The following ZNF532 variants were observed in gnomAD, a reference collection of about 807,000 sequenced individuals.
ZNF532 encodes the protein zinc finger protein 532.
Under a neutral mutation model 89.3 loss-of-function variants are expected in ZNF532, and 22 were observed. The observed-to-expected ratio is 0.25, with a 90% confidence interval of 0.18 to 0.35. The LOEUF (loss-of-function observed/expected upper bound fraction) is 0.35. Ranked by LOEUF, ZNF532 falls within the 10% of genes least tolerant of loss-of-function variation. The pLI is 1.00. For synonymous variants in ZNF532, 606 were observed against 649.6 expected (o/e 0.93, Z 1.02); for missense variants, 1,132 against 1,643.4 (o/e 0.69, Z 5.38).
chr18:58,877,605 G>A (rs748098776), intron 2 of ZNF532, among the ~76,000 whole-genome samples: 35 of 152,238 alleles, frequency 2.3e-4, no homozygotes, highest in Admixed American at 9.8e-4. Context: ...GGCACTGAGA[G>A]TTCTGTGTTA....
chr18:58,949,669 C>T (rs2063978293), intron 6 of ZNF532, among the ~76,000 whole-genome samples: 1 of 152,202 alleles, frequency 6.6e-6, no homozygotes, highest in Non-Finnish European at 1.5e-5. Flanking sequence ...GAGCAAGACT[C>T]CGTCTCAGAA....
intron 7 of ZNF532, among the ~76,000 whole-genome samples, chr18:58,959,253 G>GTTTTTTTTTTTTT (rs201150500): frequency 3.3e-5 from 4 of 121,678 alleles, no homozygotes; most frequent in South Asian, 5.8e-4. Context: ...TCAGTTTTTT[G>GTTTTTTTTTTTTT]TTTTTTGTTT....
intron 7 of ZNF532, among the ~76,000 whole-genome samples, chr18:58,966,703 CA>C (rs1165399796): frequency 2.0e-5 from 3 of 149,470 alleles, no homozygotes; most frequent in Non-Finnish European, 3.0e-5. Context: ...TATTAGTCCA[CA>C]TCTTGTGTAT....
At chr18:58,888,891 T>TATAATATATA (rs1272147896) in intron 2 of ZNF532, among the ~76,000 whole-genome samples, 1 of 37,266 alleles carries the variant, frequency 2.7e-5, no homozygotes, top group African/African-American at 1.3e-4. Flanking sequence ...TATATATATT[T>TATAATATATA]TATATATATA....
chr18:58,888,792 ATATAATT>A (rs1216081984), intron 2 of ZNF532, among the ~76,000 whole-genome samples: 5 of 53,872 alleles, frequency 9.3e-5, no homozygotes, highest in African/African-American at 3.5e-4. Flanking sequence ...TATAAAATAT[ATATAATT>A]TATATATATA....
chr18:58,971,931 T>C (rs1485234403), intron 7 of ZNF532, among the ~76,000 whole-genome samples: 1 of 152,228 alleles, frequency 6.6e-6, no homozygotes, highest in African/African-American at 2.4e-5. Context: ...TAGCTGGGCA[T>C]GGTGGCTCAC....
At chr18:58,964,375 C>T (rs2065688148) in intron 7 of ZNF532, 1 of 152,140 alleles carries the variant, frequency 6.6e-6, no homozygotes, top group Admixed American at 6.6e-5. Context: ...CTCTGGTTGA[C>T]TGTTAGAGAG....
intron 7 of ZNF532, among the ~76,000 whole-genome samples, chr18:58,972,470 C>A (rs1260745320): frequency 6.6e-6 from 1 of 152,056 alleles, no homozygotes; most frequent in African/African-American, 2.4e-5. Flanking sequence ...AAATGAAGGC[C>A]ACAGTTATTT....
Position 58,870,076 on chromosome 18 carries a change from T to G in ZNF532, c.-18+4497T>G, listed in dbSNP as rs78811168. Among the ~76,000 whole-genome samples the G allele has an allele frequency of 4.1e-5, 6 of 145,254 alleles. No individual in the cohort carries two copies. In the East Asian group the frequency reaches 7.7e-4, roughly 19 times the overall value. Reference sequence around the variant, plus strand: ...CCACTGTGCCCAGCCCAGGTTGTTTTTTTTTTTTTTTTTTTTTTAAGGATA... The same window carrying G: ...CCACTGTGCCCAGCCCAGGTTGTTTGTTTTTTTTTTTTTTTTTTAAGGATA... On this transcript the variant is annotated intron_variant, in intron 2 of 9. Coordinates refer to ENST00000591808, the MANE Select transcript of ZNF532 (RefSeq NM_001375912.1).
intron 5 of ZNF532, among the ~76,000 whole-genome samples, chr18:58,942,656 C>A (rs1009212517): frequency 6.6e-6 from 1 of 151,936 alleles, no homozygotes; most frequent in Admixed American, 6.6e-5. Context: ...CCCTCCCTCA[C>A]CCCCTTTTCC....
At chr18:58,938,954 A>G (rs373916780) in intron 4 of ZNF532, among the ~76,000 whole-genome samples, 13 of 152,150 alleles carry the variant, frequency 8.5e-5, no homozygotes, top group African/African-American at 3.1e-4. Context: ...TCTCTTAAAC[A>G]TATAAAAATA....
At chr18:58,887,694 C>T (rs550494391) in intron 2 of ZNF532, among the ~76,000 whole-genome samples, 8 of 152,236 alleles carry the variant, frequency 5.3e-5, no homozygotes, top group East Asian at 3.9e-4. Flanking sequence ...AGAACCCCCA[C>T]GCTCACAGGA....
intron 5 of ZNF532, among the ~76,000 whole-genome samples, chr18:58,944,161 G>A (rs1472914622): frequency 6.6e-6 from 1 of 152,168 alleles, no homozygotes; most frequent in Non-Finnish European, 1.5e-5. Context: ...TTTGCCCCTA[G>A]TTGGATTCAG....
At chr18:58,950,130 GA>G (rs1367575347) in intron 6 of ZNF532, among the ~76,000 whole-genome samples, 2 of 152,136 alleles carry the variant, frequency 1.3e-5, no homozygotes, top group Non-Finnish European at 2.9e-5. Flanking sequence ...ACAAAGAAAA[GA>G]ACAGTTGCTT....
intron 2 of ZNF532, among the ~76,000 whole-genome samples, chr18:58,903,470 C>T (rs2059727890): frequency 6.7e-6 from 1 of 150,200 alleles, no homozygotes; most frequent in Non-Finnish European, 1.5e-5. Flanking sequence ...TCTGGAAATT[C>T]TGAACAAGAG....
intron 4 of ZNF532, among the ~76,000 whole-genome samples, chr18:58,938,859 G>A (rs2062700573): frequency 2.6e-5 from 4 of 152,186 alleles, no homozygotes; most frequent in Non-Finnish European, 5.9e-5. Context: ...ACAGTGGTCT[G>A]GAGATTTGAC....
chr18:58,982,838 G>C (rs1028673688), intron 9 of ZNF532, among the ~76,000 whole-genome samples: 4 of 152,178 alleles, frequency 2.6e-5, no homozygotes, highest in African/African-American at 9.7e-5. Flanking sequence ...GTGAAGCCAA[G>C]GCGTGGTGGC....
chr18:58,903,921 GATTTAAGAA>G (rs2059758047), intron 2 of ZNF532, among the ~76,000 whole-genome samples: 1 of 152,198 alleles, frequency 6.6e-6, no homozygotes. Flanking sequence ...GCCCTTTAGA[GATTTAAGAA>G]ATTTAAGAAA....
chr18:58,916,145 A>G (rs574224783), intron 2 of ZNF532, among the ~76,000 whole-genome samples: 2 of 152,258 alleles, frequency 1.3e-5, no homozygotes, highest in Non-Finnish European at 2.9e-5. Flanking sequence ...GTTGGTAAGG[A>G]TAGATCACAG....
Sources: allele counts gnomAD v4.1 joint callset (sites outside exome capture counted in the v4.1 genomes callset), GRCh38; gene constraint gnomAD v4.1.1; transcripts MANE v1.5; gene names NCBI Gene and HGNC (gene_info 2026-07-23, HGNC 2026-07-21).